ASXL1: variants seen among roughly 807,000 people sequenced by gnomAD.
The protein encoded by ASXL1 is ASXL transcriptional regulator 1, also known as polycomb group protein ASXL1.
Under a neutral mutation model 89.1 loss-of-function variants are expected in ASXL1, and 65 were observed. The ratio of observed to expected loss-of-function variants is 0.73; its 90% CI spans 0.60 to 0.90. The LOEUF is 0.90. ASXL1 is among the 40% of genes least tolerant of loss of function. ASXL1 has a pLI of 0.00. For synonymous variants in ASXL1, 739 were observed against 746.9 expected, an observed-to-expected ratio of 0.99 and a Z score of 0.17; for missense variants, 1,786 against 1,942.9, an observed-to-expected ratio of 0.92 and a Z score of 1.52.
rs539090286 is a variant in ASXL1, at chr20:32,361,452, A to G, written c.57+2620A>G. 3.3e-5 allele frequency among the ~76,000 whole-genome samples: 5 copies of G among 151,512 alleles called. No individual in the cohort carries two copies. In the East Asian group the frequency reaches 6.0e-4, roughly 18 times the overall value. ...CAGGAGTTCTAGACCAGCTTGGCCA[A>G]CAAGGTAAAACCCAGTCTCTACTAA... is the stretch of plus-strand genomic sequence containing the variant. On this transcript the variant is annotated intron_variant, in intron 1 of 12. Transcript: ENST00000375687.
In ASXL1 at chr20:32,393,511, G is replaced by A. The variant is rs534037818; in HGVS notation, c.252+24388G>A. Among the ~76,000 whole-genome samples the A allele has an allele frequency of 1.1e-4, 16 of 151,904 alleles. No homozygotes were observed. The South Asian group carries it at 1.2e-3, about 12-fold the overall frequency. On this transcript the variant is annotated intron_variant, in intron 4 of 12. Coordinates refer to ENST00000375687, the MANE Select transcript of ASXL1 (RefSeq NM_015338.6). Reference sequence around the variant, plus strand: ...TTTTGAGATGGAGTCTCGCCCTGTCGCCCAGGCTGCAGTGCAGTGGCACGA... The same window carrying A: ...TTTTGAGATGGAGTCTCGCCCTGTCACCCAGGCTGCAGTGCAGTGGCACGA...
Position 32,367,740 on chromosome 20 carries a change from C to A in ASXL1, c.143+11C>A. The A allele has an allele frequency of 1.3e-6, 1 of 780,816 alleles. No homozygotes were observed. The allele number at this position is 780,816 out of a possible 1,614,324, so 48.4% of individuals were successfully genotyped here. A position where few individuals can be genotyped will look rare whatever the true frequency, so the allele number is the denominator to read the frequency against. On this transcript the variant is annotated intron_variant, in intron 3 of 12. Coordinates refer to ENST00000375687, the MANE Select transcript of ASXL1 (RefSeq NM_015338.6). ...CTTTGCCTATAGAAGGTAAATGAGT[C>A]CCTTTGGGACATATGGAATTGAGAA...
rs2011509914 is a variant in ASXL1 at position 32,431,433 on chromosome 20, A to G, written c.831A>G (p.Pro277=). 1.2e-6 allele frequency: 2 copies of G among 1,614,174 alleles called. No individual in the cohort carries two copies. The highest frequency in any genetic ancestry group is 1.1e-5 in the South Asian group (1 of 91,074). ...ACTCTCGGACCTTCCATGCCTTACC[A>G]TCACACTTCCAGCAGCAGCTCCTCT... ...LINSRTFHAL[P]SHFQQQLLFL... The change falls in exon 9 of 13, where the codon CCA becomes CCG. Residue 277 remains proline, a synonymous_variant. Coordinates refer to ENST00000375687, the MANE Select transcript of ASXL1 (RefSeq NM_015338.6).
At chr20:32,416,019 A>T (rs1018724370) in intron 4 of ASXL1, among the ~76,000 whole-genome samples, 4 of 152,214 alleles carry the variant, frequency 2.6e-5, no homozygotes, top group Admixed American at 6.5e-5. Context: ...TATATCGTAA[A>T]GATGTCAGTT....
chr20:32,433,193 G>A (rs2123250125), intron 11 of ASXL1, 91 bp from the exon 12 acceptor site: 1 of 1,581,728 alleles, frequency 6.3e-7, no homozygotes, highest in South Asian at 1.1e-5. Flanking sequence ...TTTGTTCTGA[G>A]ATATCTGTGT....
intron 4 of ASXL1, among the ~76,000 whole-genome samples, chr20:32,387,205 C>T (rs1210600941): frequency 6.6e-6 from 1 of 151,986 alleles, no homozygotes; most frequent in Non-Finnish European, 1.5e-5. Context: ...ACTCAGGAGG[C>T]TGAGGTACGA....
chr20:32,428,561 T>TAC, intron 6 of ASXL1, 139 bp downstream of exon 6: 1 of 811,188 alleles, frequency 1.2e-6, no homozygotes, highest in Non-Finnish European at 2.1e-6. Flanking sequence ...TTAGTAGCAT[T>TAC]TAACAGGGGG....
rs1382496888 is a variant in ASXL1, at chr20:32,370,138, T to C, written c.252+1015T>C. Among the ~76,000 whole-genome samples the C allele has an allele frequency of 2.6e-5, 4 of 152,286 alleles. No individual in the cohort carries two copies. In the East Asian group the frequency reaches 5.8e-4, roughly 22 times the overall value. ...GAAATGTGAACATATTTGTGGAAATTAAGTGACAGTAATTATAAAGTAAGA... is the reference window on the plus strand; with the variant it reads ...GAAATGTGAACATATTTGTGGAAATCAAGTGACAGTAATTATAAAGTAAGA... On this transcript the variant is annotated intron_variant, in intron 4 of 12. Transcript: ENST00000375687.
chr20:32,391,143 G>C (rs1461875455), intron 4 of ASXL1, among the ~76,000 whole-genome samples: 1 of 151,942 alleles, frequency 6.6e-6, no homozygotes, highest in Non-Finnish European at 1.5e-5. Flanking sequence ...TCCCACCTAT[G>C]CCTCTCAAAG....
At position 32,434,906 on chromosome 20, in the gene ASXL1, C is replaced by A. The variant is rs2011708778; in HGVS notation, c.2194C>A (p.Leu732Ile). The change falls in exon 13 of 13, where the codon CTA becomes ATA. Residue 732 changes from leucine (L) to isoleucine (I), a missense_variant. Leu to Ile is a conservative substitution (Grantham distance 5). Coordinates refer to ENST00000375687, the MANE Select transcript of ASXL1 (RefSeq NM_015338.6). ...TCTGAGAAAGGAGGAAAGCTGCCTACTACAGAGGGCTACAGTTGGACTCAC... is the reference window on the plus strand; with the variant it reads ...TCTGAGAAAGGAGGAAAGCTGCCTAATACAGAGGGCTACAGTTGGACTCAC... ...PSLRKEESCL[L>I]QRATVGLTDG... 1.2e-6 allele frequency: 2 copies of A among 1,614,066 alleles called. No homozygotes were observed. The highest frequency in any genetic ancestry group is 2.2e-5 in the East Asian group (1 of 44,894).
Position 32,434,490 on chromosome 20 carries a change from T to C in ASXL1, c.1778T>C (p.Ile593Thr). The change falls in exon 13 of 13, where the codon ATA becomes ACA. Residue 593 changes from isoleucine (I) to threonine (T), a missense_variant. Physicochemically the swap from Ile to Thr is moderately conservative, Grantham distance 89. Coordinates refer to ENST00000375687, the MANE Select transcript of ASXL1 (RefSeq NM_015338.6). The stretch of plus-strand genomic sequence containing the variant: ...GTTAAAGGTCAGCCCACTTACCAGA[T>C]ATGCCCCCGGATCATCCCCACCACG... ...WVVKGQPTYQ[I>T]CPRIIPTTES... 6.2e-7 allele frequency: 1 copy of C among 1,614,132 alleles called. No homozygotes were observed. The highest frequency in any genetic ancestry group is 1.1e-5 in the South Asian group (1 of 91,080).
intron 4 of ASXL1, among the ~76,000 whole-genome samples, chr20:32,422,300 A>T (rs2049271831): frequency 6.6e-6 from 1 of 151,072 alleles, no homozygotes; most frequent in African/African-American, 2.4e-5. Context: ...TACACCTAAG[A>T]TCTGTGCATA....
At chr20:32,379,543 C>T (rs532335641) in intron 4 of ASXL1, among the ~76,000 whole-genome samples, 8 of 150,948 alleles carry the variant, frequency 5.3e-5, no homozygotes, top group African/African-American at 1.5e-4. Context: ...TAAGATGTCA[C>T]GGCCAGGCAT....
At chr20:32,431,529 C>T (rs2123236005) in intron 9 of ASXL1, 45 bp downstream of exon 9, 1 of 1,614,102 alleles carries the variant, frequency 6.2e-7, no homozygotes, top group Admixed American at 1.7e-5. Flanking sequence ...GGGTGGGCTT[C>T]TGTTCTCTTT....
intron 4 of ASXL1, among the ~76,000 whole-genome samples, chr20:32,426,867 TTTA>T (rs1353510927): frequency 2.0e-5 from 3 of 152,078 alleles, no homozygotes; most frequent in African/African-American, 7.2e-5. Flanking sequence ...TGGCCTCTTT[TTTA>T]TTAATTTAAG....
In ASXL1 at chr20:32,359,839, G is replaced by A. The variant is rs1242853957; in HGVS notation, c.57+1007G>A. On this transcript the variant is annotated intron_variant, in intron 1 of 12. Coordinates refer to ENST00000375687, the MANE Select transcript of ASXL1 (RefSeq NM_015338.6). ...TACTCCCACAAAGCTCAGACACTTT[G>A]AGACATATTCGGGTAATTATCTGCT... The A allele has an allele frequency of 4.2e-6, 3 of 717,500 alleles. No individual in the cohort carries two copies. In the African/African-American group the frequency reaches 5.2e-5, roughly 13 times the overall value. The allele number at this position is 717,500 out of a possible 1,614,324, so 44.4% of individuals were successfully genotyped here. A position where few individuals can be genotyped will look rare whatever the true frequency, so the allele number is the denominator to read the frequency against.
chr20:32,437,543 T>C lies in ASXL1; in HGVS notation c.*205T>C, dbSNP rs1237371524. 2.8e-5 allele frequency: 22 copies of C among 773,606 alleles called. No homozygotes were observed. The highest frequency in any genetic ancestry group is 7.7e-4 in the Middle Eastern group (2 of 2,600). The allele number at this position is 773,606 out of a possible 1,614,324, so 47.9% of individuals were successfully genotyped here. On this transcript the variant is annotated 3_prime_UTR_variant, in exon 13 of 13. Transcript: ENST00000375687. ...GGAGGGGTTTCCTGGGTATAACCCATTGGGCTGCCCAAGGCCAGCCAGCCT... is the reference window on the plus strand; with the variant it reads ...GGAGGGGTTTCCTGGGTATAACCCACTGGGCTGCCCAAGGCCAGCCAGCCT...
chr20:32,369,121 A>C lies in ASXL1; in HGVS notation c.250A>C (p.Lys84Gln), dbSNP rs1285219133. ...LPGRISLFTL[K>Q]KDALQWSRHP... ...TGGCCGAATCAGCCTTTTCACGCTCAAGGTAAGTGATATGAACTCTCTTTT... is the reference window on the plus strand; with the variant it reads ...TGGCCGAATCAGCCTTTTCACGCTCCAGGTAAGTGATATGAACTCTCTTTT... The change falls in exon 4 of 13, where the codon AAG becomes CAG. Residue 84 changes from lysine (K) to glutamine (Q), a missense_variant and splice_region_variant. Transcript: ENST00000375687. 1 of 1,602,104 alleles carries C rather than the reference A, an allele frequency of 6.2e-7. No homozygotes were observed. Among genetic ancestry groups the C allele is most frequent in the Non-Finnish European group, 8.6e-7 (1 of 1,169,078 alleles).
chr20:32,421,254 CAA>C (rs568332856), intron 4 of ASXL1, among the ~76,000 whole-genome samples: 22 of 137,354 alleles, frequency 1.6e-4, no homozygotes, highest in Non-Finnish European at 2.4e-4. Context: ...AAAAAAACTT[CAA>C]AAAAAAAAAA....
Sources: gnomAD v4.1 joint callset for allele counts (sites outside exome capture counted in the v4.1 genomes callset) on GRCh38, gnomAD v4.1.1 for gene constraint, MANE v1.5 for transcripts, NCBI Gene and HGNC (gene_info 2026-07-23, HGNC 2026-07-21) for gene names.